Variants in TAOK3 observed in about 807,000 individuals in gnomAD.
TAOK3 encodes the protein TAO kinase 3.
TAOK3 carries 40 observed loss-of-function variants against 120.4 expected under a neutral mutation model. The ratio of observed to expected loss-of-function variants is 0.33; its 90% confidence interval spans 0.26 to 0.43. The LOEUF (loss-of-function observed/expected upper bound fraction) is 0.43. TAOK3 is among the 20% of genes least tolerant of loss of function. TAOK3 has a pLI of 1.00. For missense variants in TAOK3, 821 were observed against 1,112.1 expected, an observed-to-expected ratio of 0.74 and a Z score of 3.72; for synonymous variants, 355 against 387.5, an observed-to-expected ratio of 0.92 and a Z score of 0.99.
At chr12:118,341,810 GC>G (rs1217384540) in intron 1 of TAOK3, among the ~76,000 whole-genome samples, 1 of 152,208 alleles carries the variant, frequency 6.6e-6, no homozygotes, top group Non-Finnish European at 1.5e-5. Context: ...GACTGCCTGA[GC>G]CCTGGAGTTG....
At chr12:118,343,768 T>C in intron 1 of TAOK3, among the ~76,000 whole-genome samples, 1 of 152,060 alleles carries the variant, frequency 6.6e-6, no homozygotes, top group East Asian at 1.9e-4. Context: ...ATCCCAGCAC[T>C]TTGGGAGGCC....
At chr12:118,311,506 A>G (rs914940247) in intron 1 of TAOK3, among the ~76,000 whole-genome samples, 1 of 152,194 alleles carries the variant, frequency 6.6e-6, no homozygotes, top group African/African-American at 2.4e-5. Flanking sequence ...AGTTTGTTAT[A>G]AGGATTTTCA....
rs182615652 is a variant in TAOK3 at position 118,164,788 on chromosome 12, G to A, written c.1900-2761C>T. Among the ~76,000 whole-genome samples the A allele has an allele frequency of 1.1e-4, 17 of 152,300 alleles. No individual in the cohort carries two copies. The East Asian group carries it at 2.9e-3, about 26-fold the overall frequency. On this transcript the variant is annotated intron_variant, in intron 17 of 20. Coordinates refer to ENST00000392533, the MANE Select transcript of TAOK3 (RefSeq NM_016281.4). ...GATGGCATCCACTATAGGAGAAAAT[G>A]CAAATTATTTATTTTAATAGATATC...
chr12:118,319,859 G>C (rs560866470), intron 1 of TAOK3, among the ~76,000 whole-genome samples: 2 of 152,164 alleles, frequency 1.3e-5, no homozygotes, highest in Admixed American at 6.5e-5. Flanking sequence ...ATACCCCAAA[G>C]AATTGAAAAG....
At chr12:118,321,210 CTG>C (rs2043689978) in intron 1 of TAOK3, among the ~76,000 whole-genome samples, 1 of 152,062 alleles carries the variant, frequency 6.6e-6, no homozygotes, top group Admixed American at 6.6e-5. Flanking sequence ...TTGTTTAACA[CTG>C]TTGTTTAACA....
At chr12:118,223,458 T>C (rs2039349046) in intron 9 of TAOK3, among the ~76,000 whole-genome samples, 1 of 151,830 alleles carries the variant, frequency 6.6e-6, no homozygotes, top group East Asian at 1.9e-4. Context: ...GCCATTCTCC[T>C]GCCTCAGCCT....
At chr12:118,312,496 G>A (rs536623552) in intron 1 of TAOK3, among the ~76,000 whole-genome samples, 69 of 152,152 alleles carry the variant, frequency 4.5e-4, no homozygotes, top group African/African-American at 1.6e-3. Flanking sequence ...TCTTGGTCTG[G>A]GGAAGTAGAC....
intron 16 of TAOK3, 47 bp from the exon 17 acceptor site, chr12:118,172,707 G>A (rs1286096587): frequency 1.3e-6 from 2 of 1,483,040 alleles, no homozygotes; most frequent in African/African-American, 2.8e-5. Context: ...AAATGAAAGG[G>A]ACTGTAACAG....
At chr12:118,363,930 T>G (rs902397499) in intron 1 of TAOK3, among the ~76,000 whole-genome samples, 5 of 152,130 alleles carry the variant, frequency 3.3e-5, no homozygotes, top group Non-Finnish European at 7.4e-5. Flanking sequence ...GAGACCAGCC[T>G]GACCAACATG....
intron 1 of TAOK3, among the ~76,000 whole-genome samples, chr12:118,317,456 G>A (rs1032429962): frequency 5.3e-5 from 8 of 151,696 alleles, no homozygotes; most frequent in Admixed American, 2.6e-4. Flanking sequence ...CTGCCACCAC[G>A]CCAAGCTAAT....
At chr12:118,291,095 ATCTG>A (rs1450870329) in intron 1 of TAOK3, among the ~76,000 whole-genome samples, 1 of 151,070 alleles carries the variant, frequency 6.6e-6, no homozygotes, top group Non-Finnish European at 1.5e-5. Context: ...ACCTCAGGTG[ATCTG>A]TCTGCCTCGG....
chr12:118,342,948 A>G (rs1402737439), intron 1 of TAOK3, among the ~76,000 whole-genome samples: 1 of 150,522 alleles, frequency 6.6e-6, no homozygotes, highest in East Asian at 1.9e-4. Flanking sequence ...AAAAAAAAAA[A>G]AAAAAAAAAA....
intron 1 of TAOK3, among the ~76,000 whole-genome samples, chr12:118,296,747 A>G (rs2042695373): frequency 6.6e-6 from 1 of 152,260 alleles, no homozygotes. Flanking sequence ...AAAAGAATCA[A>G]TATTTCAAAT....
At chr12:118,213,941 T>G in intron 10 of TAOK3, 76 bp downstream of exon 10, 2 of 1,292,958 alleles carry the variant, frequency 1.5e-6, no homozygotes, top group Non-Finnish European at 1.1e-6. Flanking sequence ...GTCAGATATT[T>G]AAAATGTAAT....
At chr12:118,350,973 C>T (rs567073170) in intron 1 of TAOK3, among the ~76,000 whole-genome samples, 1 of 149,634 alleles carries the variant, frequency 6.7e-6, no homozygotes, top group South Asian at 2.1e-4. Flanking sequence ...GAGGTCAGGA[C>T]TTTGAGACCA....
rs528775136 is a variant in TAOK3 at position 118,176,418 on chromosome 12, T to C, written c.1695+783A>G. On this transcript the variant is annotated intron_variant, in intron 16 of 20. Transcript: ENST00000392533. Reference sequence around the variant, plus strand: ...GACTGTGTAGGGACTTCTAGGATTTTGACTTGTCCTAAAAGCAATGGGAAG... The same window carrying C: ...GACTGTGTAGGGACTTCTAGGATTTCGACTTGTCCTAAAAGCAATGGGAAG... 3.4e-4 allele frequency among the ~76,000 whole-genome samples: 52 copies of C among 152,258 alleles called. 1 individual carries two copies. The highest frequency in any genetic ancestry group is 1.3e-3 in the African/African-American group (52 of 41,538).
At chr12:118,265,471 C>G (rs1460463424) in intron 2 of TAOK3, among the ~76,000 whole-genome samples, 2 of 148,358 alleles carry the variant, frequency 1.3e-5, no homozygotes, top group Admixed American at 1.3e-4. Context: ...CCTACAAACT[C>G]AAAAGAGACA....
At chr12:118,367,782 G>T (rs549310065) in intron 1 of TAOK3, among the ~76,000 whole-genome samples, 1 of 150,376 alleles carries the variant, frequency 6.6e-6, no homozygotes, top group African/African-American at 2.4e-5. Flanking sequence ...TTTTTTTGGC[G>T]GGGGGTGGGG....
chr12:118,256,771 T>A (rs1229899485), intron 2 of TAOK3, among the ~76,000 whole-genome samples: 1 of 151,924 alleles, frequency 6.6e-6, no homozygotes, highest in Non-Finnish European at 1.5e-5. Flanking sequence ...GTTTGGAGGG[T>A]GATAGCTAAA....
Sources: gnomAD v4.1 joint callset for allele counts (sites outside exome capture counted in the v4.1 genomes callset) on GRCh38, gnomAD v4.1.1 for gene constraint, MANE v1.5 for transcripts, NCBI Gene and HGNC (gene_info 2026-07-23, HGNC 2026-07-21) for gene names.